The following SLC25A26 variants were observed in gnomAD, a reference collection of about 807,000 sequenced individuals.
The protein encoded by SLC25A26 is solute carrier family 25 member 26.
In SLC25A26, 36 loss-of-function variants were observed where a neutral mutation model predicts 37.8. That is an observed-to-expected ratio of 0.95 (90% CI 0.73 to 1.26). SLC25A26 has a LOEUF of 1.26. SLC25A26 is among the 50% of genes most tolerant of loss of function. SLC25A26 has a pLI of 0.00. For synonymous variants in SLC25A26, 129 were observed against 122.5 expected (o/e 1.05, Z -0.35); for missense variants, 390 against 331.1 (o/e 1.18, Z -1.38).
At chr3:66,334,754 C>A (rs936075033) in intron 5 of SLC25A26, among the ~76,000 whole-genome samples, 2 of 152,036 alleles carry the variant, frequency 1.3e-5, no homozygotes, top group African/African-American at 4.8e-5. Context: ...AGGGCAAAAG[C>A]CACAGCTTTG....
intron 1 of SLC25A26, among the ~76,000 whole-genome samples, chr3:66,140,575 T>A (rs984076859): frequency 6.6e-6 from 1 of 152,192 alleles, no homozygotes; most frequent in Non-Finnish European, 1.5e-5. Flanking sequence ...AGGTAAAAAC[T>A]AGAAAATGTC....
chr3:66,377,663 C>A, intron 9 of SLC25A26, 27 bp from the exon 10 acceptor site: 1 of 1,559,734 alleles, frequency 6.4e-7, no homozygotes, highest in Non-Finnish European at 8.8e-7. Flanking sequence ...ATACGCACAA[C>A]ATTAAAAATC....
rs36147154 is a variant in SLC25A26, at chr3:66,170,791, G to GTTTTT, written c.-354+36833_-354+36837dup. ...CAAACATTTAATAGATGTGATTATT[G>GTTTTT]TTTTTTTTTTTTTTTTTTTTTTTTT... On this transcript the variant is annotated intron_variant, in intron 1 of 10. Transcript: ENST00000676754. 4.8e-3 allele frequency among the ~76,000 whole-genome samples: 245 copies of GTTTTT among 50,926 alleles called. 11 individuals carry two copies. Among genetic ancestry groups the GTTTTT allele is most frequent in the East Asian group, 7.3e-3 (9 of 1,238 alleles). The allele number at this position is 50,926 out of a possible 152,430, so 33.4% of individuals were successfully genotyped here. A position where few individuals can be genotyped will look rare whatever the true frequency, so the allele number is the denominator to read the frequency against.
intron 5 of SLC25A26, among the ~76,000 whole-genome samples, chr3:66,285,276 T>A (rs577019827): frequency 0.048 from 7,290 of 151,996 alleles, 592 homozygotes; most frequent in African/African-American, 0.16. Flanking sequence ...TATTATTTTT[T>A]TTAAAAAACC....
intron 5 of SLC25A26, among the ~76,000 whole-genome samples, chr3:66,283,734 C>T (rs1196814849): frequency 6.6e-6 from 1 of 152,074 alleles, no homozygotes; most frequent in Non-Finnish European, 1.5e-5. Flanking sequence ...TCTTAGTTGA[C>T]TCTTGAATCA....
In SLC25A26 at chr3:66,214,818, A is replaced by T. The variant is rs1393482896; in HGVS notation, c.-353-5924A>T. 4.6e-5 allele frequency among the ~76,000 whole-genome samples: 7 copies of T among 152,200 alleles called. No individual in the cohort carries two copies. The East Asian group carries it at 7.7e-4, about 17-fold the overall frequency. The stretch of plus-strand genomic sequence containing the variant: ...TTTGAGACATAGAAGATGTTTCTTT[A>T]TCTCAAGAATAGAAAAATGTTTACC... On this transcript the variant is annotated intron_variant, in intron 1 of 10. Transcript: ENST00000676754.
At chr3:66,217,078 A>G (rs1396630277), upstream of SLC25A26, among the ~76,000 whole-genome samples, 1 of 152,252 alleles carries the variant, frequency 6.6e-6, no homozygotes, top group Non-Finnish European at 1.5e-5. Context: ...TCTGAAAGAT[A>G]CCTGATAAAT....
intron 1 of SLC25A26, among the ~76,000 whole-genome samples, chr3:66,151,830 A>G (rs2070213809): frequency 6.6e-6 from 1 of 152,268 alleles, no homozygotes; most frequent in Admixed American, 6.5e-5. Context: ...AATAAGTGAT[A>G]ACTGTCTCCT....
Position 66,263,398 on chromosome 3 carries a change from A to G in SLC25A26, c.453+19A>G, listed in dbSNP as rs1476842450. The G allele has an allele frequency of 2.6e-6, 4 of 1,541,600 alleles. No individual in the cohort carries two copies. The highest frequency in any genetic ancestry group is 3.6e-6 in the Non-Finnish European group (4 of 1,116,496). On this transcript the variant is annotated intron_variant, in intron 5 of 9. Transcript: ENST00000354883. ...AAGAGAGGTAAGTCACTTACTTTCC[A>G]ATATTGAAGTACGAAAGAATGATGT...
chr3:66,290,893 C>T (rs199769402), intron 5 of SLC25A26, among the ~76,000 whole-genome samples: 5 of 152,134 alleles, frequency 3.3e-5, no homozygotes, highest in African/African-American at 1.2e-4. Flanking sequence ...GGAATGGTAC[C>T]AGCTCCTCTT....
intron 5 of SLC25A26, among the ~76,000 whole-genome samples, chr3:66,316,860 A>C (rs1003441591): frequency 1.3e-5 from 2 of 152,032 alleles, no homozygotes; most frequent in African/African-American, 4.8e-5. Flanking sequence ...ATGGTATTCA[A>C]GTTCTGATAT....
intron 5 of SLC25A26, among the ~76,000 whole-genome samples, chr3:66,310,354 A>C (rs896581145): frequency 2.0e-5 from 3 of 152,140 alleles, no homozygotes; most frequent in Non-Finnish European, 4.4e-5. Context: ...TTGGCTTGGT[A>C]AATATTCCTC....
At chr3:66,329,566 C>T (rs961394479) in intron 5 of SLC25A26, among the ~76,000 whole-genome samples, 2 of 151,880 alleles carry the variant, frequency 1.3e-5, no homozygotes, top group Non-Finnish European at 2.9e-5. Flanking sequence ...AGATCAGTTT[C>T]CATTAGAGTT....
At chr3:66,248,455 G>A (rs1202767971) in intron 3 of SLC25A26, among the ~76,000 whole-genome samples, 1 of 152,124 alleles carries the variant, frequency 6.6e-6, no homozygotes, top group Non-Finnish European at 1.5e-5. Flanking sequence ...GTTGGGGCAG[G>A]TTTACTTTAA....
chr3:66,239,840 T>TTTTTA (rs1553666447), intron 2 of SLC25A26, among the ~76,000 whole-genome samples: 3 of 138,286 alleles, frequency 2.2e-5, no homozygotes, highest in Non-Finnish European at 3.1e-5. Context: ...TTTTTTTTTT[T>TTTTTA]AACAGTGGAT....
chr3:66,340,565 C>T (rs1368570131), intron 5 of SLC25A26, among the ~76,000 whole-genome samples: 1 of 151,768 alleles, frequency 6.6e-6, no homozygotes, highest in East Asian at 1.9e-4. Flanking sequence ...GTCTGTGATC[C>T]AGCTCTCATT....
intron 6 of SLC25A26, among the ~76,000 whole-genome samples, chr3:66,362,383 C>T (rs548689297): frequency 5.7e-4 from 87 of 151,898 alleles, no homozygotes; most frequent in African/African-American, 2.1e-3. Context: ...ATCTGCATGA[C>T]GTGGGTGAAT....
intron 3 of SLC25A26, among the ~76,000 whole-genome samples, chr3:66,260,789 ATTAT>A (rs2073498927): frequency 6.6e-6 from 1 of 152,196 alleles, no homozygotes; most frequent in South Asian, 2.1e-4. Context: ...TAATTTATAT[ATTAT>A]TATGTATAGA....
intron 5 of SLC25A26, chr3:66,323,745 C>T: frequency 6.6e-6 from 1 of 152,150 alleles, no homozygotes; most frequent in East Asian, 1.9e-4. Context: ...CCTGGGAGGT[C>T]AGGGCTGCAG....
Sources: allele counts gnomAD v4.1 joint callset (sites outside exome capture counted in the v4.1 genomes callset), GRCh38; gene constraint gnomAD v4.1.1; transcripts MANE v1.5; gene names NCBI Gene and HGNC (gene_info 2026-07-23, HGNC 2026-07-21).